The following EVI5 variants were observed in gnomAD, a reference collection of about 807,000 sequenced individuals.
EVI5 encodes ecotropic viral integration site 5 protein homolog.
Under a neutral mutation model 112.0 loss-of-function variants are expected in EVI5, and 73 were observed. That is an observed-to-expected ratio of 0.65 (90% CI 0.54 to 0.79). The LOEUF is 0.79. EVI5 is among the 30% of genes least tolerant of loss of function. EVI5 has a pLI of 0.00. For synonymous variants in EVI5, 305 were observed against 319.9 expected (o/e 0.95, Z 0.50); for missense variants, 900 against 968.8 (o/e 0.93, Z 0.94).
intron 18 of EVI5, among the ~76,000 whole-genome samples, chr1:92,581,483 C>G (rs920564112): frequency 1.3e-4 from 20 of 152,200 alleles, no homozygotes; most frequent in African/African-American, 4.8e-4. Flanking sequence ...TTTTCCTTCT[C>G]TCCACATGTG....
chr1:92,694,264 C>CAA (rs747110217), intron 8 of EVI5, 35 bp downstream of exon 8: 1,066 of 1,046,948 alleles, frequency 1.0e-3, no homozygotes, highest in Non-Finnish European at 1.2e-3. Flanking sequence ...AACTCTGTCT[C>CAA]AAAAAAAAAA....
chr1:92,724,634 C>CCCA (rs1171528194), intron 2 of EVI5, among the ~76,000 whole-genome samples: 1 of 151,938 alleles, frequency 6.6e-6, no homozygotes, highest in African/African-American at 2.4e-5. Context: ...ACGGCGAAAC[C>CCCA]CCATCTCTAT....
intron 2 of EVI5, among the ~76,000 whole-genome samples, chr1:92,715,446 A>G (rs1673476017): frequency 6.6e-6 from 1 of 152,196 alleles, no homozygotes; most frequent in Non-Finnish European, 1.5e-5. Flanking sequence ...TCTTGTCAAA[A>G]TCTCTTTTCT....
At chr1:92,591,608 A>T (rs974195593) in intron 18 of EVI5, among the ~76,000 whole-genome samples, 1 of 152,220 alleles carries the variant, frequency 6.6e-6, no homozygotes, top group Non-Finnish European at 1.5e-5. Flanking sequence ...CCAGATTTAT[A>T]AAGCAAGTCC....
chr1:92,744,600 TCACACACACACACACACACA>T (rs961223051), intron 1 of EVI5, among the ~76,000 whole-genome samples: 1 of 28,024 alleles, frequency 3.6e-5, no homozygotes, highest in African/African-American at 9.8e-5. Flanking sequence ...TCTCTCTCTC[TCACACACACACACACACACA>T]CACACACACA....
chr1:92,577,465 G>A (rs1485501740), intron 18 of EVI5, among the ~76,000 whole-genome samples: 1 of 152,224 alleles, frequency 6.6e-6, no homozygotes, highest in African/African-American at 2.4e-5. Flanking sequence ...GCATCAGTAG[G>A]GCGGGCCAGC....
intron 9 of EVI5, among the ~76,000 whole-genome samples, chr1:92,688,608 G>A (rs777388642): frequency 2.0e-5 from 3 of 151,812 alleles, no homozygotes; most frequent in Non-Finnish European, 4.4e-5. Context: ...AGGAAGGTGC[G>A]AAGAAGAACC....
At chr1:92,780,603 A>T (rs933518315) in intron 1 of EVI5, among the ~76,000 whole-genome samples, 5 of 152,246 alleles carry the variant, frequency 3.3e-5, no homozygotes, top group Non-Finnish European at 5.9e-5. Context: ...TTCATAAATT[A>T]GCTGACCATA....
In EVI5 at chr1:92,640,791, G is replaced by A. The variant is rs551096280; in HGVS notation, c.1393-4455C>T. Reference sequence around the variant, plus strand: ...AGACACATACATACATATGTTTACCGCAGCACTGTTTACAATAGCGAAGAG... The same window carrying A: ...AGACACATACATACATATGTTTACCACAGCACTGTTTACAATAGCGAAGAG... On this transcript the variant is annotated intron_variant, in intron 13 of 19. Transcript: ENST00000684568. Among the ~76,000 whole-genome samples the A allele has an allele frequency of 1.4e-4, 21 of 152,160 alleles. No homozygotes were observed. In the East Asian group the frequency reaches 2.3e-3, roughly 17 times the overall value.
intron 1 of EVI5, among the ~76,000 whole-genome samples, chr1:92,737,362 G>C (rs1318899598): frequency 6.6e-6 from 1 of 152,164 alleles, no homozygotes; most frequent in Non-Finnish European, 1.5e-5. Flanking sequence ...TGTGGCAATT[G>C]TAAAAGCCAA....
chr1:92,784,973 C>T lies in EVI5; in HGVS notation c.-219G>A. 1.0e-6 allele frequency: 1 copy of T among 985,560 alleles called. No homozygotes were observed. Among genetic ancestry groups the T allele is most frequent in the Non-Finnish European group, 1.2e-6 (1 of 830,072 alleles). The allele number at this position is 985,560 out of a possible 1,614,324, so 61.1% of individuals were successfully genotyped here. A position where few individuals can be genotyped will look rare whatever the true frequency, so the allele number is the denominator to read the frequency against. ...CCCGAGTTCCCAAAAGCACCACGCTCACTCAGAAGCTCAGGGCCGCCTCGC... is the reference window on the plus strand; with the variant it reads ...CCCGAGTTCCCAAAAGCACCACGCTTACTCAGAAGCTCAGGGCCGCCTCGC... On this transcript the variant is annotated 5_prime_UTR_variant, in exon 1 of 20. Transcript: ENST00000684568.
intron 9 of EVI5, among the ~76,000 whole-genome samples, chr1:92,679,046 T>G (rs1431602570): frequency 6.6e-6 from 1 of 151,926 alleles, no homozygotes; most frequent in Non-Finnish European, 1.5e-5. Context: ...CAGCAGGAGG[T>G]GAACGGCAGG....
At chr1:92,696,450 CAAAAATT>C (rs1670334664) in intron 6 of EVI5, among the ~76,000 whole-genome samples, 1 of 151,534 alleles carries the variant, frequency 6.6e-6, no homozygotes, top group Non-Finnish European at 1.5e-5. Context: ...CCTGTCTCTA[CAAAAATT>C]AAAAAATAAA....
At chr1:92,724,306 C>A (rs142311283) in intron 2 of EVI5, among the ~76,000 whole-genome samples, 1 of 152,004 alleles carries the variant, frequency 6.6e-6, no homozygotes, top group South Asian at 2.1e-4. Flanking sequence ...TTTCTCAGAC[C>A]GGCCGACACT....
At chr1:92,760,642 G>T (rs756997216) in intron 1 of EVI5, among the ~76,000 whole-genome samples, 5 of 151,708 alleles carry the variant, frequency 3.3e-5, no homozygotes, top group Non-Finnish European at 5.9e-5. Context: ...GCTAAGGCAG[G>T]AGAATTGCTT....
chr1:92,692,513 A>C (rs151078908), intron 9 of EVI5, among the ~76,000 whole-genome samples: 1 of 152,340 alleles, frequency 6.6e-6, no homozygotes, highest in East Asian at 1.9e-4. Context: ...TAAAAGCTGA[A>C]GCTCAAAAAT....
At chr1:92,553,838 A>C (rs1255858029) in intron 19 of EVI5, among the ~76,000 whole-genome samples, 2 of 152,232 alleles carry the variant, frequency 1.3e-5, no homozygotes, top group Non-Finnish European at 1.5e-5. Context: ...GATTTAAAAA[A>C]ATTAATCTGG....
At chr1:92,589,766 A>G (rs886127407) in intron 18 of EVI5, among the ~76,000 whole-genome samples, 4 of 152,208 alleles carry the variant, frequency 2.6e-5, no homozygotes, top group African/African-American at 9.6e-5. Flanking sequence ...TGAAGAGAGT[A>G]GCGGTTCTCC....
At chr1:92,550,326 A>G (rs1666579571) in intron 19 of EVI5, among the ~76,000 whole-genome samples, 1 of 111,506 alleles carries the variant, frequency 9.0e-6, no homozygotes, top group South Asian at 3.5e-4. Flanking sequence ...GAAGGGGAAC[A>G]TCACACACTG....
Sources: gnomAD v4.1 joint callset for allele counts (sites outside exome capture counted in the v4.1 genomes callset) on GRCh38, gnomAD v4.1.1 for gene constraint, MANE v1.5 for transcripts, NCBI Gene and HGNC (gene_info 2026-07-23, HGNC 2026-07-21) for gene names.